The following ANKRD17 variants were observed in gnomAD, a reference collection of about 807,000 sequenced individuals.
The protein encoded by ANKRD17 is ankyrin repeat domain 17, also known as ankyrin repeat domain-containing protein 17.
Under a neutral mutation model 229.7 loss-of-function variants are expected in ANKRD17, and 19 were observed. That is an observed-to-expected ratio of 0.08 (90% CI 0.06 to 0.12). The LOEUF is 0.12. ANKRD17 is among the 10% of genes least tolerant of loss of function. The pLI, the probability that ANKRD17 is intolerant of heterozygous loss-of-function variation, is 1.00. For missense variants in ANKRD17, 2,176 were observed against 3,176.8 expected (o/e 0.68, Z 7.57); for synonymous variants, 1,112 against 1,146.1 (o/e 0.97, Z 0.60).
At chr4:73,092,823 T>C (rs571282545) in intron 28 of ANKRD17, among the ~76,000 whole-genome samples, 1 of 152,338 alleles carries the variant, frequency 6.6e-6, no homozygotes, top group South Asian at 2.1e-4. Context: ...AATTCATTAG[T>C]AGTTTGTCTA....
At chr4:73,217,991 G>A (rs1402922846) in intron 1 of ANKRD17, among the ~76,000 whole-genome samples, 1 of 152,140 alleles carries the variant, frequency 6.6e-6, no homozygotes, top group Non-Finnish European at 1.5e-5. Flanking sequence ...GTATGTGTGT[G>A]TATGTTTGTG....
chr4:73,077,642 A>G, intron 31 of ANKRD17, 109 bp from the exon 32 acceptor site: 1 of 920,168 alleles, frequency 1.1e-6, no homozygotes, highest in Non-Finnish European at 1.5e-6. Context: ...ATTTCAATAT[A>G]ATGACCTACT....
intron 1 of ANKRD17, among the ~76,000 whole-genome samples, chr4:73,201,566 G>A (rs1249185251): frequency 2.6e-5 from 4 of 152,074 alleles, no homozygotes; most frequent in African/African-American, 9.7e-5. Context: ...TATTTGCACA[G>A]AGAATGAACT....
chr4:73,207,365 C>A (rs1739609333), intron 1 of ANKRD17, among the ~76,000 whole-genome samples: 1 of 151,568 alleles, frequency 6.6e-6, no homozygotes, highest in African/African-American at 2.4e-5. Flanking sequence ...AAAAAAGAAG[C>A]CATAACAAAT....
chr4:73,217,347 T>C (rs1327700959), intron 1 of ANKRD17, among the ~76,000 whole-genome samples: 1 of 152,188 alleles, frequency 6.6e-6, no homozygotes, highest in Admixed American at 6.5e-5. Flanking sequence ...CTTATACTAC[T>C]TCCCCATTAA....
At chr4:73,110,135 G>C (rs1725135634) in intron 24 of ANKRD17, among the ~76,000 whole-genome samples, 1 of 150,816 alleles carries the variant, frequency 6.6e-6, no homozygotes, top group East Asian at 2.0e-4. Context: ...TATCAAAAAT[G>C]TAAGTTTAAA....
At chr4:73,111,891 G>A (rs1725366062) in intron 24 of ANKRD17, among the ~76,000 whole-genome samples, 1 of 152,146 alleles carries the variant, frequency 6.6e-6, no homozygotes, top group South Asian at 2.1e-4. Flanking sequence ...TCTAGTAATA[G>A]AGACAAACAA....
chr4:73,199,322 C>A (rs1738340624), intron 1 of ANKRD17, among the ~76,000 whole-genome samples: 1 of 150,796 alleles, frequency 6.6e-6, no homozygotes, highest in Admixed American at 6.6e-5. Context: ...AAAAAGCCAG[C>A]CAGAAAGACA....
chr4:73,233,332 T>C (rs572326764), intron 1 of ANKRD17, among the ~76,000 whole-genome samples: 95 of 152,294 alleles, frequency 6.2e-4, no homozygotes, highest in African/African-American at 2.2e-3. Flanking sequence ...TATTTTTATA[T>C]TATAAAGGTT....
chr4:73,237,372 C>T (rs1743600879), intron 1 of ANKRD17, among the ~76,000 whole-genome samples: 1 of 152,192 alleles, frequency 6.6e-6, no homozygotes. Context: ...AGGTTAAGAA[C>T]TCCCTCATAT....
rs767220875 is a variant in ANKRD17 at position 73,140,226 on chromosome 4, C to G, written c.2390G>C (p.Gly797Ala). 8.1e-6 allele frequency: 13 copies of G among 1,607,900 alleles called. No homozygotes were observed. Among genetic ancestry groups the G allele is most frequent in the Non-Finnish European group, 1.1e-5 (13 of 1,178,614 alleles). The stretch of plus-strand genomic sequence containing the variant: ...CTCTGGAGACTGATTGGTGATGTAA[C>G]CCTGTACATCCTGGCTGTTTGCTGG... ...HLPANSQDVQ[G>A]YITNQSPESI... Residue 797 changes from glycine (G) to alanine (A), a missense_variant, in exon 15 of 34, where the codon GGT becomes GCT. By Grantham distance (60) the Gly-to-Ala change is moderately conservative. Coordinates refer to ENST00000358602, the MANE Select transcript of ANKRD17 (RefSeq NM_032217.5).
chr4:73,166,801 A>AT (rs967023786), intron 2 of ANKRD17, among the ~76,000 whole-genome samples: 17 of 152,042 alleles, frequency 1.1e-4, no homozygotes, highest in South Asian at 2.1e-4. Context: ...ACTTAAAACA[A>AT]TTTTTTTTAA....
intron 15 of ANKRD17, among the ~76,000 whole-genome samples, chr4:73,135,586 G>C (rs1477875208): frequency 6.6e-6 from 1 of 152,166 alleles, no homozygotes; most frequent in Non-Finnish European, 1.5e-5. Flanking sequence ...ATGGAAACTT[G>C]TCCATTATAT....
At chr4:73,118,911 G>C (rs1401571555) in intron 21 of ANKRD17, 61 bp from the exon 22 acceptor site, 1 of 1,361,812 alleles carries the variant, frequency 7.3e-7, no homozygotes, top group Admixed American at 2.3e-5. Flanking sequence ...TTTTGATACA[G>C]GGTCTTGCTC....
rs965737234 is a variant in ANKRD17 at position 73,231,024 on chromosome 4, G to T, written c.393+27252C>A. On this transcript the variant is annotated intron_variant, in intron 1 of 33. Transcript: ENST00000358602. ...CATAACAGAAATTACTTATTTCAAT[G>T]TTTTTGATTTTAAATAGGTTAAATC... Among the ~76,000 whole-genome samples, 8 of 152,126 alleles carry T rather than the reference G, an allele frequency of 5.3e-5. No individual in the cohort carries two copies. The South Asian group carries it at 1.7e-3, about 31-fold the overall frequency.
Position 73,075,083 on chromosome 4 carries a change from A to C in ANKRD17, c.*1148T>G, listed in dbSNP as rs542821142. On this transcript the variant is annotated 3_prime_UTR_variant, in exon 34 of 34. Coordinates refer to ENST00000358602, the MANE Select transcript of ANKRD17 (RefSeq NM_032217.5). ...CTCAAATTAACTGTTGATCCTTTTC[A>C]CTGATAATATACAAGGGTAAAAAAG... The C allele has an allele frequency of 6.6e-6, 1 of 152,446 alleles. No individual in the cohort carries two copies. Among genetic ancestry groups the C allele is most frequent in the South Asian group, 2.1e-4 (1 of 4,830 alleles). The allele number at this position is 152,446 out of a possible 1,614,324, so 9.4% of individuals were successfully genotyped here.
intron 1 of ANKRD17, among the ~76,000 whole-genome samples, chr4:73,245,317 G>A (rs1466180800): frequency 6.6e-6 from 1 of 152,162 alleles, no homozygotes; most frequent in Non-Finnish European, 1.5e-5. Flanking sequence ...GCTGTGAGGG[G>A]ATTTTGCAGA....
chr4:73,205,052 G>C (rs1246745879), intron 1 of ANKRD17, among the ~76,000 whole-genome samples: 3 of 152,134 alleles, frequency 2.0e-5, no homozygotes, highest in Non-Finnish European at 2.9e-5. Context: ...GGTGGCTCAT[G>C]CTTGTAATCC....
chr4:73,222,203 C>T (rs991357233), intron 1 of ANKRD17, among the ~76,000 whole-genome samples: 1 of 151,042 alleles, frequency 6.6e-6, no homozygotes, highest in East Asian at 1.9e-4. Context: ...AATACCTATA[C>T]CTATAAATAC....
Sources: allele counts gnomAD v4.1 joint callset (sites outside exome capture counted in the v4.1 genomes callset), GRCh38; gene constraint gnomAD v4.1.1; transcripts MANE v1.5; gene names NCBI Gene and HGNC (gene_info 2026-07-23, HGNC 2026-07-21).